Variants in DCP1A observed in about 807,000 individuals in gnomAD.
DCP1A encodes the protein decapping mRNA 1A, also known as mRNA-decapping enzyme 1A.
In DCP1A, 20 loss-of-function variants were observed where a neutral mutation model predicts 58.0. The observed-to-expected ratio is 0.34, with a 90% confidence interval of 0.24 to 0.50. The LOEUF is 0.50. Among genes scored for constraint, DCP1A ranks in the 20% least tolerant of loss-of-function variants. The pLI is 0.98. For missense variants in DCP1A, 613 were observed against 712.2 expected (o/e 0.86, Z 1.59); for synonymous variants, 285 against 275.1 (o/e 1.04, Z -0.36).
chr3:53,300,339 C>CTT (rs34299781), intron 6 of DCP1A, among the ~76,000 whole-genome samples: 7,783 of 139,448 alleles, frequency 0.056, 763 homozygotes, highest in African/African-American at 0.19. Flanking sequence ...TGCTTTATGA[C>CTT]TTTTTTTTTT....
At chr3:53,308,634 C>T (rs1411066574) in intron 5 of DCP1A, among the ~76,000 whole-genome samples, 1 of 152,078 alleles carries the variant, frequency 6.6e-6, no homozygotes, top group Non-Finnish European at 1.5e-5. Flanking sequence ...CTTGCTGTCA[C>T]CTGAGCTGGA....
intron 6 of DCP1A, among the ~76,000 whole-genome samples, chr3:53,296,903 A>G (rs79009555): frequency 0.036 from 5,422 of 152,308 alleles, 145 homozygotes; most frequent in Non-Finnish European, 0.053. Flanking sequence ...TATACCCAGG[A>G]GCAGAATTGC....
rs538703445 is a variant in DCP1A at position 53,286,485 on chromosome 3, A to C, written c.*1095T>G. 5 of 152,388 alleles carry C rather than the reference A, an allele frequency of 3.3e-5. No individual in the cohort carries two copies. The South Asian group carries it at 6.2e-4, about 19-fold the overall frequency. The allele number at this position is 152,388 out of a possible 1,614,324, so 9.4% of individuals were successfully genotyped here. A position where few individuals can be genotyped will look rare whatever the true frequency, so the allele number is the denominator to read the frequency against. On this transcript the variant is annotated 3_prime_UTR_variant, in exon 10 of 10. Coordinates refer to ENST00000610213, the MANE Select transcript of DCP1A (RefSeq NM_018403.7). ...GAAATCATGGCAGATCAATAGCAGC[A>C]TAACAAAGCTTCTTTACATATTTTC...
chr3:53,296,228 CA>C (rs1226194452), intron 6 of DCP1A, among the ~76,000 whole-genome samples: 2 of 152,148 alleles, frequency 1.3e-5, no homozygotes, highest in African/African-American at 4.8e-5. Flanking sequence ...CATGGAGTAC[CA>C]AACAAAAATT....
At chr3:53,343,682 G>C (rs1553692856) in intron 2 of DCP1A, among the ~76,000 whole-genome samples, 1 of 152,206 alleles carries the variant, frequency 6.6e-6, no homozygotes, top group African/African-American at 2.4e-5. Context: ...CACGACCTCG[G>C]CTCACTGCAA....
chr3:53,337,529 G>A (rs1340937693), intron 3 of DCP1A, among the ~76,000 whole-genome samples: 1 of 152,228 alleles, frequency 6.6e-6, no homozygotes, highest in African/African-American at 2.4e-5. Flanking sequence ...TGGTTTAAAT[G>A]ATTTAGCCAA....
chr3:53,313,201 C>T (rs1186071647), intron 4 of DCP1A, among the ~76,000 whole-genome samples: 1 of 152,156 alleles, frequency 6.6e-6, no homozygotes, highest in African/African-American at 2.4e-5. Flanking sequence ...CCCTTATTCT[C>T]CCTTTTAAAA....
chr3:53,328,013 A>C (rs1708159477), intron 3 of DCP1A, among the ~76,000 whole-genome samples: 1 of 151,896 alleles, frequency 6.6e-6, no homozygotes, highest in Non-Finnish European at 1.5e-5. Flanking sequence ...ATCCCAGCTC[A>C]GGAGGCTGAG....
In DCP1A at chr3:53,292,234, T is replaced by G; in HGVS notation, c.1218A>C (p.Gln406His). ...CTTTCCCAAGTGGTTGTGTCTGTAT[T>G]TGGTCATGCTGTGGGGTCAACCTGA... ...QKLRLTPQHD[Q>H]IQTQPLGKGA... The change falls in exon 7 of 10, where the codon CAA becomes CAC. Residue 406 changes from glutamine (Q) to histidine (H), a missense_variant. Around this residue, in one of 3 missense-constraint regions of DCP1A, gnomAD observed 498 missense variants for 556.7 expected, o/e 0.89. Coordinates refer to ENST00000610213, the MANE Select transcript of DCP1A (RefSeq NM_018403.7). 1 of 1,613,958 alleles carries G rather than the reference T, an allele frequency of 6.2e-7. No individual in the cohort carries two copies. Among genetic ancestry groups the G allele is most frequent in the Admixed American group, 1.7e-5 (1 of 60,016 alleles).
rs1273198047 is a variant in DCP1A, at chr3:53,287,341, TC to T, written c.*238del. 12 of 353,834 alleles carry T rather than the reference TC, an allele frequency of 3.4e-5. No homozygotes were observed. The highest frequency in any genetic ancestry group is 9.9e-5 in the African/African-American group (4 of 40,460). 21.9% of individuals were successfully genotyped at this position (353,834 alleles called of 1,614,324 possible). ...ACATAACTTAACACAATGATCGCTC[TC>T]TTTTTTTTTTTTTTTTTTTTTTTTT... is the stretch of plus-strand genomic sequence containing the variant. On this transcript the variant is annotated 3_prime_UTR_variant, in exon 10 of 10. Coordinates refer to ENST00000610213, the MANE Select transcript of DCP1A (RefSeq NM_018403.7).
At position 53,312,328 on chromosome 3, in the gene DCP1A, CTGTT is replaced by C. The variant is rs782754492; in HGVS notation, c.419_422del (p.Lys140ArgfsTer21). 3 of 1,613,484 alleles carry C rather than the reference CTGTT, an allele frequency of 1.9e-6. No homozygotes were observed. Among genetic ancestry groups the C allele is most frequent in the South Asian group, 1.1e-5 (1 of 91,056 alleles). ...TGCAGCCATTGGCCTGGCTGGGACTCTGTTTGTCCCGAGCAGCTTGCTGGGATCG... is the reference window on the plus strand; with the variant it reads ...TGCAGCCATTGGCCTGGCTGGGACTCTGTCCCGAGCAGCTTGCTGGGATCG... On this transcript the variant is annotated frameshift_variant, in exon 5 of 10. Coordinates refer to ENST00000610213, the MANE Select transcript of DCP1A (RefSeq NM_018403.7). LOFTEE classifies it high-confidence loss of function.
chr3:53,284,853 C>T lies in DCP1A; in HGVS notation c.*2727G>A, dbSNP rs1706574444. 6.6e-6 allele frequency: 1 copy of T among 152,118 alleles called. No individual in the cohort carries two copies. The highest frequency in any genetic ancestry group is 6.5e-5 in the Admixed American group (1 of 15,268). The allele number at this position is 152,118 out of a possible 1,614,324, so 9.4% of individuals were successfully genotyped here. On this transcript the variant is annotated 3_prime_UTR_variant, in exon 10 of 10. Transcript: ENST00000610213. ...CACATGTGGACAGCATGAAATGCTTCTTCTGACACTGAGAGTCACTTGAAA... is the reference window on the plus strand; with the variant it reads ...CACATGTGGACAGCATGAAATGCTTTTTCTGACACTGAGAGTCACTTGAAA...
At chr3:53,324,973 G>C (rs991016844) in intron 3 of DCP1A, among the ~76,000 whole-genome samples, 18 of 151,708 alleles carry the variant, frequency 1.2e-4, no homozygotes, top group African/African-American at 1.7e-4. Flanking sequence ...AACATTAAAT[G>C]TTTCCTTTGC....
intron 2 of DCP1A, among the ~76,000 whole-genome samples, chr3:53,344,543 T>A (rs2089268143): frequency 6.6e-6 from 1 of 152,204 alleles, no homozygotes; most frequent in Non-Finnish European, 1.5e-5. Context: ...GACCTCTCAA[T>A]AACATTATTT....
chr3:53,303,363 T>G (rs1707370900), intron 6 of DCP1A, among the ~76,000 whole-genome samples: 1 of 152,092 alleles, frequency 6.6e-6, no homozygotes, highest in South Asian at 2.1e-4. Flanking sequence ...GCCTCCAGGG[T>G]TCAAGCCATT....
At chr3:53,322,932 C>G (rs1708011260) in intron 3 of DCP1A, among the ~76,000 whole-genome samples, 1 of 152,040 alleles carries the variant, frequency 6.6e-6, no homozygotes, top group South Asian at 2.1e-4. Context: ...CTCAGCCGCC[C>G]GAGTAGCTGG....
chr3:53,336,690 G>A (rs974429411), intron 3 of DCP1A, among the ~76,000 whole-genome samples: 1 of 152,074 alleles, frequency 6.6e-6, no homozygotes, highest in Non-Finnish European at 1.5e-5. Context: ...AGATGCCGTA[G>A]AGTAATCACC....
chr3:53,291,284 G>T (rs567429837), intron 7 of DCP1A, among the ~76,000 whole-genome samples: 11 of 120,178 alleles, frequency 9.2e-5, no homozygotes, highest in Admixed American at 7.0e-4. Flanking sequence ...ATCACATCAT[G>T]GAAAACGGGG....
intron 4 of DCP1A, among the ~76,000 whole-genome samples, chr3:53,313,217 C>G (rs1016109401): frequency 6.6e-6 from 1 of 152,060 alleles, no homozygotes; most frequent in African/African-American, 2.4e-5. Flanking sequence ...TAAAAACCAC[C>G]AACTTAGCCT....
Sources: allele counts gnomAD v4.1 joint callset (sites outside exome capture counted in the v4.1 genomes callset), GRCh38; gene constraint gnomAD v4.1.1; regional missense constraint gnomAD v4.1.1; transcripts MANE v1.5; gene names NCBI Gene and HGNC (gene_info 2026-07-23, HGNC 2026-07-21).